PDE10A: variants seen among roughly 807,000 people sequenced by gnomAD.
PDE10A encodes phosphodiesterase 10A.
In PDE10A, 39 loss-of-function variants were observed where a neutral mutation model predicts 97.7. The ratio of observed to expected loss-of-function variants is 0.40; its 90% CI spans 0.31 to 0.52. PDE10A has a LOEUF of 0.52. PDE10A is among the 20% of genes least tolerant of loss of function. The probability of loss-of-function intolerance (pLI) is 0.56; values close to 1 mark genes in which losing one functional copy is unlikely to be tolerated. For missense variants in PDE10A, 731 were observed against 1,047.8 expected (o/e 0.70, Z 4.17); for synonymous variants, 371 against 376.8 (o/e 0.98, Z 0.18).
At chr6:165,709,289 T>C (rs1791821304) in intron 1 of PDE10A, among the ~76,000 whole-genome samples, 1 of 81,418 alleles carries the variant, frequency 1.2e-5, no homozygotes, top group African/African-American at 5.0e-5. Context: ...CCTCCCACTC[T>C]CCCCACCATG....
At chr6:165,504,923 T>G (rs1228049299) in intron 2 of PDE10A, among the ~76,000 whole-genome samples, 1 of 152,136 alleles carries the variant, frequency 6.6e-6, no homozygotes, top group Non-Finnish European at 1.5e-5. Context: ...AATTCAGAAC[T>G]GAGTTAAGTG....
chr6:165,840,573 G>C (rs924037498), intron 1 of PDE10A, among the ~76,000 whole-genome samples: 4 of 152,118 alleles, frequency 2.6e-5, no homozygotes, highest in African/African-American at 9.7e-5. Context: ...CACCTCCCAA[G>C]CTACCAAAAC....
intron 1 of PDE10A, among the ~76,000 whole-genome samples, chr6:165,606,153 G>GAAAAA (rs71029555): frequency 2.5e-4 from 28 of 113,268 alleles, no homozygotes; most frequent in African/African-American, 7.6e-4. Context: ...ACGAACAAGC[G>GAAAAA]AAAAAAAAAA....
chr6:165,851,168 T>C (rs1424092218), intron 1 of PDE10A, among the ~76,000 whole-genome samples: 1 of 152,232 alleles, frequency 6.6e-6, no homozygotes, highest in Admixed American at 6.5e-5. Flanking sequence ...AAACAGGGGC[T>C]TGCTATGCAA....
intron 2 of PDE10A, 110 bp downstream of exon 2, chr6:165,543,330 G>A (rs1783562313): frequency 1.3e-6 from 1 of 756,498 alleles, no homozygotes. Flanking sequence ...GAATTACAGT[G>A]TTAATATTTG....
chr6:165,927,647 C>CATATATATATATATAT (rs71029572), intron 1 of PDE10A, among the ~76,000 whole-genome samples: 1,413 of 72,764 alleles, frequency 0.019, 40 homozygotes, highest in African/African-American at 0.028. Context: ...ATGAGAATGA[C>CATATATATATATATAT]ATATATATAT....
chr6:165,825,042 G>A (rs372841405), intron 1 of PDE10A, among the ~76,000 whole-genome samples: 3 of 150,286 alleles, frequency 2.0e-5, no homozygotes, highest in South Asian at 2.1e-4. Flanking sequence ...TCAGCTACTC[G>A]GGAGGCTGAG....
rs932893901 is a variant in PDE10A at position 165,566,227 on chromosome 6, A to G, written c.866-22659T>C. Among the ~76,000 whole-genome samples, 10 of 152,364 alleles carry G rather than the reference A, an allele frequency of 6.6e-5. No individual in the cohort carries two copies. The East Asian group carries it at 7.7e-4, about 12-fold the overall frequency. On this transcript the variant is annotated intron_variant, in intron 1 of 21. Transcript: ENST00000539869. Reference sequence around the variant, plus strand: ...GAATAGACAAAGAACTCTAAAGCTCATTAATAAGAAAACAAACAACCTGAT... The same window carrying G: ...GAATAGACAAAGAACTCTAAAGCTCGTTAATAAGAAAACAAACAACCTGAT...
chr6:165,662,193 C>T lies in PDE10A; in HGVS notation c.619G>A (p.Ala207Thr), dbSNP rs1480481886. Reference protein sequence around the residue: ...SPALQGLLLPARAGPRPPPPP... With the variant: ...SPALQGLLLPTRAGPRPPPPP... The stretch of plus-strand genomic sequence containing the variant: ...GGCGGCGGCCGGGGACCGGCACGGG[C>T]TGGAAGCAGCAAGCCCTGGAGCGCA... The change falls in exon 1 of 22, where the codon GCC becomes ACC. Residue 207 changes from alanine to threonine, a missense_variant. Transcript: ENST00000539869. 9.1e-6 allele frequency: 2 copies of T among 219,086 alleles called. No homozygotes were observed. The highest frequency in any genetic ancestry group is 2.4e-5 in the African/African-American group (1 of 42,216). The allele number at this position is 219,086 out of a possible 1,614,324, so 13.6% of individuals were successfully genotyped here.
At chr6:165,497,350 CAT>C (rs1258162801) in intron 2 of PDE10A, among the ~76,000 whole-genome samples, 1 of 152,042 alleles carries the variant, frequency 6.6e-6, no homozygotes, top group Admixed American at 6.6e-5. Context: ...CTAAAACAGC[CAT>C]AGTGTGAACT....
chr6:165,965,946 T>C (rs1047733863), intron 1 of PDE10A, among the ~76,000 whole-genome samples: 7 of 152,202 alleles, frequency 4.6e-5, no homozygotes, highest in Non-Finnish European at 1.0e-4. Flanking sequence ...CAGTAAACTA[T>C]ATTATTAGGG....
At chr6:165,772,353 A>G (rs547394305) in intron 1 of PDE10A, among the ~76,000 whole-genome samples, 1 of 152,298 alleles carries the variant, frequency 6.6e-6, no homozygotes, top group East Asian at 1.9e-4. Flanking sequence ...TAGGGCTTAT[A>G]AAGTCCTAAA....
chr6:165,810,615 C>T (rs1408303820), intron 1 of PDE10A, among the ~76,000 whole-genome samples: 1 of 152,178 alleles, frequency 6.6e-6, no homozygotes, highest in African/African-American at 2.4e-5. Flanking sequence ...TGGCACCAAA[C>T]TCCCTTCTTC....
chr6:165,344,908 A>T (rs1379761311), intron 18 of PDE10A, among the ~76,000 whole-genome samples: 1 of 152,190 alleles, frequency 6.6e-6, no homozygotes, highest in East Asian at 1.9e-4. Flanking sequence ...TGAAGATCCA[A>T]ATCCCTTACA....
chr6:165,473,669 A>G (rs1449251937), intron 3 of PDE10A, among the ~76,000 whole-genome samples: 1 of 152,234 alleles, frequency 6.6e-6, no homozygotes, highest in Non-Finnish European at 1.5e-5. Flanking sequence ...AAATCTCATC[A>G]AGCCTGTATT....
chr6:165,906,301 C>T (rs775861637), intron 1 of PDE10A, among the ~76,000 whole-genome samples: 2 of 151,520 alleles, frequency 1.3e-5, no homozygotes, highest in Non-Finnish European at 2.9e-5. Flanking sequence ...CAGCATAAAA[C>T]CATTTCACAC....
chr6:165,469,356 A>G (rs1356881555), intron 3 of PDE10A, among the ~76,000 whole-genome samples: 1 of 152,158 alleles, frequency 6.6e-6, no homozygotes, highest in African/African-American at 2.4e-5. Flanking sequence ...AGTGTTTTAC[A>G]CTAATATGCT....
In PDE10A at chr6:165,857,619, TGAGG is replaced by T. The variant is rs1780777058; in HGVS notation, c.-615+129906_-615+129909del. 1.1e-4 allele frequency among the ~76,000 whole-genome samples: 14 copies of T among 125,938 alleles called. No individual in the cohort carries two copies. The South Asian group carries it at 3.7e-3, about 33-fold the overall frequency. 82.6% of individuals were successfully genotyped at this position (125,938 alleles called of 152,430 possible). Reference sequence around the variant, plus strand: ...GTGGCTTATGCAGAAGCTGAGAAGCTGAGGACAAGGCACTTTGAAAGGAGGTTGT... The same window carrying T: ...GTGGCTTATGCAGAAGCTGAGAAGCTACAAGGCACTTTGAAAGGAGGTTGT... On this transcript the variant is annotated intron_variant, in intron 1 of 19. Transcript: ENST00000366882.
rs146831747 is a variant in PDE10A at position 165,743,688 on chromosome 6, G to A, written c.-614-200120C>T. On this transcript the variant is annotated intron_variant, in intron 1 of 19. Transcript: ENST00000366882. ...CTTCCTCTGACAGATAACACAGTGA[G>A]TGATTCACATCCTGACATAGATTCA... 1.7e-3 allele frequency among the ~76,000 whole-genome samples: 257 copies of A among 152,338 alleles called. 1 individual carries two copies. Among genetic ancestry groups the A allele is most frequent in the African/African-American group, 5.9e-3 (244 of 41,584 alleles).
Sources: gnomAD v4.1 joint callset for allele counts (sites outside exome capture counted in the v4.1 genomes callset) on GRCh38, gnomAD v4.1.1 for gene constraint, MANE v1.5 for transcripts, NCBI Gene and HGNC (gene_info 2026-07-23, HGNC 2026-07-21) for gene names.